The following CBLB variants were observed in gnomAD, a reference collection of about 807,000 sequenced individuals.
The protein encoded by CBLB is Cbl proto-oncogene B, also known as E3 ubiquitin-protein ligase CBL-B.
Under a neutral mutation model 104.9 loss-of-function variants are expected in CBLB, and 31 were observed. The observed-to-expected ratio is 0.30, with a 90% CI of 0.22 to 0.40. The LOEUF is 0.40. Ranked by LOEUF, CBLB falls within the 10% of genes least tolerant of loss-of-function variation. The pLI, the probability that CBLB is intolerant of heterozygous loss-of-function variation, is 1.00. For synonymous variants in CBLB, 440 were observed against 422.6 expected (o/e 1.04, Z -0.51); for missense variants, 1,062 against 1,214.6 (o/e 0.87, Z 1.87).
chr3:105,669,837 G>A (rs529756065), intron 18 of CBLB, among the ~76,000 whole-genome samples: 1 of 152,212 alleles, frequency 6.6e-6, no homozygotes, highest in Non-Finnish European at 1.5e-5. Context: ...ACTGGTTGGA[G>A]CCCTAAATAA....
At chr3:105,851,571 AAC>A (rs2153116427) in intron 3 of CBLB, among the ~76,000 whole-genome samples, 1 of 152,348 alleles carries the variant, frequency 6.6e-6, no homozygotes, top group Admixed American at 6.5e-5. Context: ...TATCAACTAT[AAC>A]ACACTACACC....
intron 17 of CBLB, among the ~76,000 whole-genome samples, chr3:105,677,325 A>G (rs1187924650): frequency 6.6e-6 from 1 of 151,218 alleles, no homozygotes; most frequent in Non-Finnish European, 1.5e-5. Context: ...AAATCTCTTC[A>G]AACTTTCTAA....
chr3:105,765,174 A>T (rs2078082142), intron 4 of CBLB, among the ~76,000 whole-genome samples: 1 of 152,200 alleles, frequency 6.6e-6, no homozygotes, highest in Admixed American at 6.5e-5. Flanking sequence ...AAACAGCCTT[A>T]AGATGAAAGA....
chr3:105,745,861 T>G, intron 6 of CBLB, 56 bp downstream of exon 6: 1 of 1,533,476 alleles, frequency 6.5e-7, no homozygotes, highest in Non-Finnish European at 9.0e-7. Context: ...GAACAAACCA[T>G]GGAGAATTTT....
rs1415990488 is a variant in CBLB at position 105,740,520 on chromosome 3, G to A, written c.957C>T (p.Ala319=). 4 of 1,613,956 alleles carry A rather than the reference G, an allele frequency of 2.5e-6. No homozygotes were observed. The highest frequency in any genetic ancestry group is 3.3e-4 in the Middle Eastern group (2 of 6,062). Residue 319 remains alanine (A), a synonymous_variant, in exon 7 of 19, where the codon GCC becomes GCT. Coordinates refer to ENST00000394030, the MANE Select transcript of CBLB (RefSeq NM_170662.5). ...ATCCTTCCCTGCTGCCATCAATCAG[G>A]GCTTGAAATAAGGGCTTGTTATGAG... ...TIPHNKPLFQ[A]LIDGSREGFY... is the part of the protein sequence containing the mutation.
At chr3:105,716,631 G>T (rs919519061) in intron 10 of CBLB, among the ~76,000 whole-genome samples, 1 of 152,068 alleles carries the variant, frequency 6.6e-6, no homozygotes, top group Non-Finnish European at 1.5e-5. Context: ...CAGTTTAATT[G>T]ACTAGAGGCA....
At chr3:105,770,088 T>G (rs2078686870) in intron 4 of CBLB, among the ~76,000 whole-genome samples, 2 of 151,988 alleles carry the variant, frequency 1.3e-5, no homozygotes, top group Admixed American at 6.6e-5. Flanking sequence ...TTTTGTTTTT[T>G]TTTTTTTTTC....
Position 105,678,515 on chromosome 3 carries a change from T to C in CBLB, c.2485A>G (p.Arg829Gly). 1.2e-6 allele frequency: 2 copies of C among 1,613,920 alleles called. No homozygotes were observed. The highest frequency in any genetic ancestry group is 1.3e-5 in the African/African-American group (1 of 75,010). Residue 829 changes from arginine to glycine, a missense_variant, in exon 17 of 19, where the codon AGG becomes GGG. This residue lies in a region of CBLB where 605 missense variants were observed against 582.6 expected (regional missense o/e 1.04). Transcript: ENST00000394030. ...TTTGAATGTTCAATGAGACTATGCCTTGCAGGAGGTGGGGGAGGTGGGAGA... is the reference window on the plus strand; with the variant it reads ...TTTGAATGTTCAATGAGACTATGCCCTGCAGGAGGTGGGGGAGGTGGGAGA... ...PSLPPPPPPA[R>G]HSLIEHSKPP...
intron 3 of CBLB, among the ~76,000 whole-genome samples, chr3:105,804,612 T>C (rs1302450041): frequency 6.6e-6 from 1 of 152,116 alleles, no homozygotes; most frequent in Non-Finnish European, 1.5e-5. Flanking sequence ...TTACATAAAA[T>C]AGATTGTTAA....
At chr3:105,764,508 G>A (rs1257045931) in intron 4 of CBLB, among the ~76,000 whole-genome samples, 1 of 152,112 alleles carries the variant, frequency 6.6e-6, no homozygotes, top group Admixed American at 6.6e-5. Context: ...AAACTTAATG[G>A]TATATGTTCT....
chr3:105,773,992 A>G (rs976061333), intron 4 of CBLB, among the ~76,000 whole-genome samples: 3 of 152,244 alleles, frequency 2.0e-5, no homozygotes, highest in Non-Finnish European at 2.9e-5. Context: ...CAACAGTGCT[A>G]TAGTTTGAAT....
At chr3:105,676,797 C>G (rs951313687) in intron 17 of CBLB, among the ~76,000 whole-genome samples, 1 of 152,168 alleles carries the variant, frequency 6.6e-6, no homozygotes, top group African/African-American at 2.4e-5. Context: ...TGGGAGATGA[C>G]TGGATCATGG....
intron 3 of CBLB, among the ~76,000 whole-genome samples, chr3:105,829,526 G>T (rs141291944): frequency 1.9e-3 from 285 of 151,918 alleles, no homozygotes; most frequent in African/African-American, 6.4e-3. Flanking sequence ...AGGCATAGTG[G>T]CATGTACCTG....
intron 3 of CBLB, among the ~76,000 whole-genome samples, chr3:105,846,328 A>G (rs2090249710): frequency 6.6e-6 from 1 of 152,214 alleles, no homozygotes; most frequent in East Asian, 1.9e-4. Flanking sequence ...AATGATGAAT[A>G]TAAGCCATTC....
At chr3:105,761,584 C>A (rs1386149980) in intron 4 of CBLB, among the ~76,000 whole-genome samples, 15 of 152,144 alleles carry the variant, frequency 9.9e-5, no homozygotes, top group Admixed American at 9.8e-4. Context: ...TAAGATGTGC[C>A]TTTTATCTTC....
At chr3:105,835,987 T>C (rs2088424418) in intron 3 of CBLB, among the ~76,000 whole-genome samples, 2 of 152,050 alleles carry the variant, frequency 1.3e-5, no homozygotes, top group South Asian at 2.1e-4. Context: ...GAATGTTATC[T>C]GGTACACAAT....
chr3:105,765,562 T>TC (rs1337403578), intron 4 of CBLB, among the ~76,000 whole-genome samples: 2 of 152,154 alleles, frequency 1.3e-5, no homozygotes, highest in Non-Finnish European at 2.9e-5. Context: ...CTCTTGTTAG[T>TC]GGCCAATAAA....
intron 5 of CBLB, among the ~76,000 whole-genome samples, chr3:105,746,294 C>G (rs1366737309): frequency 1.3e-5 from 2 of 152,180 alleles, no homozygotes; most frequent in African/African-American, 2.4e-5. Context: ...ACCACAAAAT[C>G]TCTTCTCTAC....
chr3:105,786,045 C>T (rs2080948594), intron 3 of CBLB, among the ~76,000 whole-genome samples: 1 of 89,138 alleles, frequency 1.1e-5, no homozygotes, highest in African/African-American at 4.5e-5. Flanking sequence ...TCACACATAA[C>T]ACTGTGTGAG....
Sources: gnomAD v4.1 joint callset for allele counts (sites outside exome capture counted in the v4.1 genomes callset) on GRCh38, gnomAD v4.1.1 for gene constraint, gnomAD v4.1.1 regional missense constraint, MANE v1.5 for transcripts, NCBI Gene and HGNC (gene_info 2026-07-23, HGNC 2026-07-21) for gene names.